KLF16: variants seen among roughly 807,000 people sequenced by gnomAD.
The protein encoded by KLF16 is Krueppel-like factor 16.
KLF16 carries 6 observed loss-of-function variants against 6.1 expected under a neutral mutation model. That is an observed-to-expected ratio of 0.98 (90% CI 0.54 to 1.93). The LOEUF is 1.93. Among genes scored for constraint, KLF16 ranks in the 30% most tolerant of loss-of-function variants. KLF16 has a pLI of 0.01. For synonymous variants in KLF16, 211 were observed against 176.5 expected, an observed-to-expected ratio of 1.20 and a Z score of -1.55; for missense variants, 355 against 363.8, an observed-to-expected ratio of 0.98 and a Z score of 0.20.
At chr19:1,871,053 C>T in the KLF16 span, among the ~76,000 whole-genome samples, 1 of 152,302 alleles carries the variant, frequency 6.6e-6, no homozygotes, top group South Asian at 2.1e-4. Flanking sequence ...GTGCACTGTA[C>T]TGCTGGTAAC....
intron 1 of KLF16, chr19:1,861,707 A>AGGGGG (rs1490483230): frequency 6.6e-6 from 1 of 152,274 alleles, no homozygotes; most frequent in Non-Finnish European, 1.5e-5. Flanking sequence ...CAGAACAGAG[A>AGGGGG]GGGGGCGGCC....
chr19:1,864,112 A>C (rs1350703466), upstream of KLF16, among the ~76,000 whole-genome samples: 6 of 109,648 alleles, frequency 5.5e-5, no homozygotes, highest in African/African-American at 1.1e-4. Flanking sequence ...TGGCGCGCCC[A>C]CCCCACGCCG....
rs992427578 is a variant in KLF16, at chr19:1,853,462, A to G, written c.*997T>C. On this transcript the variant is annotated 3_prime_UTR_variant, in exon 2 of 2. Coordinates refer to ENST00000250916, the MANE Select transcript of KLF16 (RefSeq NM_031918.4). ...CCAGGCTGCAGCCCAGGCCCGGAAG[A>G]GCCTGCAACCCCGGCGGGCATGGGC... The G allele has an allele frequency of 1.3e-5, 2 of 152,594 alleles. No homozygotes were observed. Among genetic ancestry groups the G allele is most frequent in the Non-Finnish European group, 2.9e-5 (2 of 68,108 alleles). 9.5% of individuals were successfully genotyped at this position (152,594 alleles called of 1,614,324 possible).
rs985763581 is a variant in KLF16 at position 1,857,738 on chromosome 19, T to A, written c.458-2978A>T. Among the ~76,000 whole-genome samples the A allele has an allele frequency of 1.3e-5, 2 of 151,044 alleles. No homozygotes were observed. Among genetic ancestry groups the A allele is most frequent in the African/African-American group, 4.9e-5 (2 of 40,970 alleles). On this transcript the variant is annotated intron_variant, in intron 1 of 1. Coordinates refer to ENST00000250916, the MANE Select transcript of KLF16 (RefSeq NM_031918.4). The surrounding 1 kb of genome is among the most constrained non-coding windows in gnomAD (Gnocchi z 4.7). ...CACCTAACAGGTGGGGTCGGGTCTGTAGGGGAGGGCACAGGTGGGGAAGAC... is the reference window on the plus strand; with the variant it reads ...CACCTAACAGGTGGGGTCGGGTCTGAAGGGGAGGGCACAGGTGGGGAAGAC...
At chr19:1,874,290 C>T in the KLF16 span, among the ~76,000 whole-genome samples, 4 of 152,058 alleles carry the variant, frequency 2.6e-5, no homozygotes. Flanking sequence ...GTCAGGAAGA[C>T]AATGGGGTTC....
chr19:1,856,112 G>C (rs921176835), intron 1 of KLF16, among the ~76,000 whole-genome samples: 1 of 152,188 alleles, frequency 6.6e-6, no homozygotes, highest in Non-Finnish European at 1.5e-5. Context: ...CACTCCCACC[G>C]GTCCATGAAG....
At chr19:1,867,137 G>A (rs2012200350), upstream of KLF16, among the ~76,000 whole-genome samples, 1 of 152,180 alleles carries the variant, frequency 6.6e-6, no homozygotes, top group Admixed American at 6.5e-5. Flanking sequence ...ACTCTCAGAG[G>A]GGCCACGGAG....
At chr19:1,867,617 G>A (rs541134630), upstream of KLF16, among the ~76,000 whole-genome samples, 6 of 152,316 alleles carry the variant, frequency 3.9e-5, no homozygotes, top group African/African-American at 1.2e-4. Flanking sequence ...TGTAATCTCA[G>A]CACTTTGGGA....
rs2011864252 is a variant in KLF16 at position 1,852,909 on chromosome 19, T to G, written c.*1550A>C. On this transcript the variant is annotated 3_prime_UTR_variant, in exon 2 of 2. Transcript: ENST00000250916. ...TCCCTGGATCCTGCCAGGCCGGGGC[T>G]GGGTCCAGGTGCACACCAGTGCCAT... is the stretch of plus-strand genomic sequence containing the variant. 6.6e-6 allele frequency: 1 copy of G among 152,196 alleles called. No individual in the cohort carries two copies. The highest frequency in any genetic ancestry group is 6.5e-5 in the Admixed American group (1 of 15,284). 9.4% of individuals were successfully genotyped at this position (152,196 alleles called of 1,614,324 possible).
Position 1,863,487 on chromosome 19 carries a change from G to A in KLF16, c.11C>T (p.Ala4Val). Reference protein sequence around the residue: MSAAVACVDYFAAD... With the variant: MSAVVACVDYFAAD... ...GGCGAAGTAATCCACGCACGCCACG[G>A]CCGCCGACATGCCGAGCAAGGGCGC... Residue 4 changes from alanine (A) to valine (V), a missense_variant, in exon 1 of 2, where the codon GCC becomes GTC. By Grantham distance (64) the Ala-to-Val change is moderately conservative. Coordinates refer to ENST00000250916, the MANE Select transcript of KLF16 (RefSeq NM_031918.4). 1 of 1,024,056 alleles carries A rather than the reference G, an allele frequency of 9.8e-7. No individual in the cohort carries two copies. Among genetic ancestry groups the A allele is most frequent in the Non-Finnish European group, 1.2e-6 (1 of 853,948 alleles). The allele number at this position is 1,024,056 out of a possible 1,614,324, so 63.4% of individuals were successfully genotyped here.
Position 1,863,393 on chromosome 19 carries a change from C to A in KLF16, c.105G>T (p.Ala35=), listed in dbSNP as rs2012114170. 1 of 986,504 alleles carries A rather than the reference C, an allele frequency of 1.0e-6. No homozygotes were observed. The highest frequency in any genetic ancestry group is 4.4e-5 in the South Asian group (1 of 22,588). The allele number at this position is 986,504 out of a possible 1,614,324, so 61.1% of individuals were successfully genotyped here. A position where few individuals can be genotyped will look rare whatever the true frequency, so the allele number is the denominator to read the frequency against. ...GCACATCCAGGCCGGCGGCGGGGCC[C>A]GCGCCCTCGGGGCCGGGCCGCCCGC... ...VHRGRPGPEG[A]GPAAGLDVRA... Residue 35 remains alanine, a synonymous_variant, in exon 1 of 2, where the codon GCG becomes GCT. Coordinates refer to ENST00000250916, the MANE Select transcript of KLF16 (RefSeq NM_031918.4).
At chr19:1,862,564 G>C (rs1180039309) in intron 1 of KLF16, among the ~76,000 whole-genome samples, 1 of 152,156 alleles carries the variant, frequency 6.6e-6, no homozygotes, top group East Asian at 1.9e-4. Flanking sequence ...CCGACCTCTG[G>C]GGAGAATCCG....
chr19:1,869,864 T>A, the KLF16 span, among the ~76,000 whole-genome samples: 3 of 152,092 alleles, frequency 2.0e-5, no homozygotes, highest in Non-Finnish European at 4.4e-5. Context: ...CCTCCTGCTT[T>A]GGCCTCCCAA....
Position 1,854,540 on chromosome 19 carries a change from G to A in KLF16, c.678C>T (p.Ser226=), listed in dbSNP as rs780189978. 10 of 1,546,800 alleles carry A rather than the reference G, an allele frequency of 6.5e-6. No homozygotes were observed. The South Asian group carries it at 1.0e-4, about 16-fold the overall frequency. Residue 226 remains serine (S), a synonymous_variant, in exon 2 of 2, where the codon TCC becomes TCT. Coordinates refer to ENST00000250916, the MANE Select transcript of KLF16 (RefSeq NM_031918.4). ...GGCTGCAGGGCAGCGAGTCGCTGGG[G>A]GAGGTACTGCGGGCACCAGGGCGCC... is the stretch of plus-strand genomic sequence containing the variant. ...LLRRPGARST[S]PSDSLPCSLA...
the KLF16 span, among the ~76,000 whole-genome samples, chr19:1,872,195 A>G: frequency 5.9e-5 from 9 of 152,080 alleles, no homozygotes; most frequent in South Asian, 4.2e-4. Flanking sequence ...CAGTGGTGCA[A>G]TCTTGGCTCA....
intron 1 of KLF16, among the ~76,000 whole-genome samples, chr19:1,856,963 G>GGGGGGC (rs1466347651): frequency 8.5e-6 from 1 of 117,466 alleles, no homozygotes; most frequent in African/African-American, 4.4e-5. Flanking sequence ...GGTGGGGGGG[G>GGGGGGC]CGACCGGGGC....
At chr19:1,874,413 G>GA in the KLF16 span, among the ~76,000 whole-genome samples, 1 of 151,640 alleles carries the variant, frequency 6.6e-6, no homozygotes, top group African/African-American at 2.4e-5. Flanking sequence ...ACAATTTGTG[G>GA]AAAAAAAGTT....
rs2011971998 is a variant in KLF16 at position 1,857,219 on chromosome 19, C to G, written c.458-2459G>C. Among the ~76,000 whole-genome samples, 1 of 152,204 alleles carries G rather than the reference C, an allele frequency of 6.6e-6. No homozygotes were observed. The highest frequency in any genetic ancestry group is 1.5e-5 in the Non-Finnish European group (1 of 68,018). On this transcript the variant is annotated intron_variant, in intron 1 of 1. Transcript: ENST00000250916. This position sits in a 1 kb window ranked among gnomAD's most constrained non-coding sequence, Gnocchi z 4.7. ...GCACGGGCTACCCACCCACGCTGCG[C>G]TGGGCGAAGCGCCTCTGCGAAATGC...
Position 1,863,169 on chromosome 19 carries a change from G to A in KLF16, c.329C>T (p.Pro110Leu), listed in dbSNP as rs765016375. ...GGCGCCGGGGGCGCGGCCCGAGGACGGGGACGAGGCGGCTGAGGAGGAGGA... is the reference window on the plus strand; with the variant it reads ...GGCGCCGGGGGCGCGGCCCGAGGACAGGGACGAGGCGGCTGAGGAGGAGGA... ...PASSSSAASS[P>L]SSGRAPGAAP... Residue 110 changes from proline to leucine, a missense_variant, in exon 1 of 2, where the codon CCG becomes CTG. Pro to Leu is a moderately conservative substitution (Grantham distance 98). Transcript: ENST00000250916. 4.0e-6 allele frequency: 5 copies of A among 1,262,572 alleles called. No homozygotes were observed. The highest frequency in any genetic ancestry group is 5.1e-6 in the Non-Finnish European group (5 of 988,256). 78.2% of individuals were successfully genotyped at this position (1,262,572 alleles called of 1,614,324 possible). A position where few individuals can be genotyped will look rare whatever the true frequency, so the allele number is the denominator to read the frequency against.
Sources: gnomAD v4.1 joint callset for allele counts (sites outside exome capture counted in the v4.1 genomes callset) on GRCh38, gnomAD v4.1.1 for gene constraint, Gnocchi (gnomAD v3.1) non-coding constraint, MANE v1.5 for transcripts, NCBI Gene and HGNC (gene_info 2026-07-23, HGNC 2026-07-21) for gene names.